PCDHA13: variants seen among roughly 807,000 people sequenced by gnomAD.
The protein encoded by PCDHA13 is protocadherin alpha 13.
A neutral mutation model predicts 64.8 loss-of-function variants in PCDHA13; 54 were observed. The ratio of observed to expected loss-of-function variants is 0.83; its 90% CI spans 0.67 to 1.04. The LOEUF is 1.04. Among genes scored for constraint, PCDHA13 ranks in the 50% least tolerant of loss-of-function variants. The pLI, the probability that PCDHA13 is intolerant of heterozygous loss-of-function variation, is 0.00. For synonymous variants in PCDHA13, 587 were observed against 564.4 expected (o/e 1.04, Z -0.57); for missense variants, 1,248 against 1,254.3 (o/e 0.99, Z 0.08).
chr5:140,980,635 A>AT (rs1224584187), intron 2 of PCDHA13, among the ~76,000 whole-genome samples: 1 of 152,232 alleles, frequency 6.6e-6, no homozygotes, highest in Non-Finnish European at 1.5e-5. Context: ...TCTCAGAAGA[A>AT]TAAATAAATG....
At chr5:140,906,961 T>C (rs143429690) in intron 1 of PCDHA13, among the ~76,000 whole-genome samples, 1 of 152,268 alleles carries the variant, frequency 6.6e-6, no homozygotes, top group African/African-American at 2.4e-5. Flanking sequence ...TTTAATGGAA[T>C]CGTGGTTGTG....
At chr5:140,929,370 C>T in intron 1 of PCDHA13, 1 of 1,515,732 alleles carries the variant, frequency 6.6e-7, no homozygotes, top group Non-Finnish European at 8.8e-7. Flanking sequence ...CCGGAGATGG[C>T]TGCTAGCTGT....
chr5:140,941,214 C>CTTCTTTCTTT (rs1554214039), intron 1 of PCDHA13, among the ~76,000 whole-genome samples: 1 of 122,414 alleles, frequency 8.2e-6, no homozygotes, highest in Admixed American at 8.5e-5. Context: ...TTTCTTTCTT[C>CTTCTTTCTTT]CTTTCTTTCT....
At chr5:140,973,375 C>A (rs2096584404) in intron 1 of PCDHA13, among the ~76,000 whole-genome samples, 1 of 152,182 alleles carries the variant, frequency 6.6e-6, no homozygotes, top group Admixed American at 6.5e-5. Context: ...GCACAATGGT[C>A]AGAATAGACA....
chr5:140,999,786 G>A (rs1050666056), intron 3 of PCDHA13, among the ~76,000 whole-genome samples: 4 of 152,120 alleles, frequency 2.6e-5, no homozygotes, highest in African/African-American at 9.7e-5. Flanking sequence ...CCTAGAAATG[G>A]CAGAGTTATT....
intron 1 of PCDHA13, among the ~76,000 whole-genome samples, chr5:140,947,178 C>T (rs1356075084): frequency 6.6e-6 from 1 of 151,188 alleles, no homozygotes. Context: ...GGTATATATT[C>T]ATGGTATACT....
chr5:140,971,857 T>G (rs1312639660), intron 1 of PCDHA13, among the ~76,000 whole-genome samples: 12 of 152,198 alleles, frequency 7.9e-5, no homozygotes, highest in African/African-American at 2.9e-4. Flanking sequence ...TAAATATTTG[T>G]TAACATCTAG....
At position 140,996,204 on chromosome 5, in the gene PCDHA13, A is replaced by G. The variant is rs1405552013; in HGVS notation, c.2543-13423A>G. ...TCCATTTTATACCCTCAATGCAAGG[A>G]TATCACTACTTGTCTAGAAATGGTT... On this transcript the variant is annotated intron_variant, in intron 3 of 3. Coordinates refer to ENST00000289272, the MANE Select transcript of PCDHA13 (RefSeq NM_018904.3). Among the ~76,000 whole-genome samples the G allele has an allele frequency of 7.2e-5, 11 of 152,240 alleles. No homozygotes were observed. The South Asian group carries it at 2.3e-3, about 32-fold the overall frequency.
At chr5:140,901,644 G>A (rs1223864756) in intron 1 of PCDHA13, among the ~76,000 whole-genome samples, 1 of 152,024 alleles carries the variant, frequency 6.6e-6, no homozygotes, top group Non-Finnish European at 1.5e-5. Context: ...GATTCTTCCG[G>A]TTTTGTTCTT....
Position 140,885,608 on chromosome 5 carries a change from A to T in PCDHA13, c.2394+946A>T, listed in dbSNP as rs1163790004. Among the ~76,000 whole-genome samples the T allele has an allele frequency of 2.0e-5, 3 of 152,192 alleles. No homozygotes were observed. In the East Asian group the frequency reaches 5.8e-4, roughly 29 times the overall value. On this transcript the variant is annotated intron_variant, in intron 1 of 3. Coordinates refer to ENST00000289272, the MANE Select transcript of PCDHA13 (RefSeq NM_018904.3). ...TGCATCAAAGATATTAATAATTTTA[A>T]TTATAAAATATGTCACTGGATTGCC...
At chr5:140,897,443 G>T (rs533610542) in intron 1 of PCDHA13, among the ~76,000 whole-genome samples, 75 of 150,100 alleles carry the variant, frequency 5.0e-4, no homozygotes, top group Middle Eastern at 3.5e-3. Flanking sequence ...GCAGTGTTTG[G>T]TTTTTTGTCC....
At chr5:140,942,667 CA>C (rs2153659637) in intron 1 of PCDHA13, among the ~76,000 whole-genome samples, 1 of 151,384 alleles carries the variant, frequency 6.6e-6, no homozygotes, top group South Asian at 2.1e-4. Flanking sequence ...GCAATAAGCA[CA>C]AAAGTTTTAG....
intron 1 of PCDHA13, chr5:140,968,393 C>T (rs747934843): frequency 1.8e-5 from 29 of 1,613,976 alleles, no homozygotes; most frequent in East Asian, 2.2e-5. Context: ...TGAGAAGTTT[C>T]GGGAGTTCTT....
intron 3 of PCDHA13, among the ~76,000 whole-genome samples, chr5:140,996,992 T>A (rs565740982): frequency 3.9e-5 from 6 of 152,324 alleles, no homozygotes; most frequent in African/African-American, 1.4e-4. Flanking sequence ...CAACCACTGT[T>A]AACAATTTTG....
At chr5:140,905,144 A>G (rs2071622994) in intron 1 of PCDHA13, among the ~76,000 whole-genome samples, 2 of 152,130 alleles carry the variant, frequency 1.3e-5, no homozygotes, top group African/African-American at 2.4e-5. Context: ...TTCTGCTGTT[A>G]TATTTTAGAA....
intron 1 of PCDHA13, chr5:140,969,250 C>T (rs1554231631): frequency 6.2e-7 from 1 of 1,614,216 alleles, no homozygotes; most frequent in Admixed American, 1.7e-5. Flanking sequence ...CAGTGACTGA[C>T]AGCAGGAATC....
intron 3 of PCDHA13, 104 bp from the exon 4 acceptor site, chr5:141,009,523 G>A: frequency 6.7e-7 from 1 of 1,502,140 alleles, no homozygotes; most frequent in Non-Finnish European, 8.9e-7. Flanking sequence ...GATTTTTCTG[G>A]GGAGGTTCAG....
intron 3 of PCDHA13, among the ~76,000 whole-genome samples, chr5:140,993,524 A>ACGGG (rs2097569997): frequency 2.0e-5 from 3 of 147,314 alleles, no homozygotes; most frequent in Admixed American, 2.0e-4. Flanking sequence ...AGAGAGAGAC[A>ACGGG]GAGAGAGAGA....
chr5:140,994,156 C>T (rs926993777), intron 3 of PCDHA13, among the ~76,000 whole-genome samples: 25 of 152,124 alleles, frequency 1.6e-4, no homozygotes, highest in African/African-American at 4.1e-4. Context: ...GTAGGGTCAA[C>T]GAAGGGGAAG....
Sources: gnomAD v4.1 joint callset for allele counts (sites outside exome capture counted in the v4.1 genomes callset) on GRCh38, gnomAD v4.1.1 for gene constraint, MANE v1.5 for transcripts, NCBI Gene and HGNC (gene_info 2026-07-23, HGNC 2026-07-21) for gene names.